CHCHD6: variants seen among roughly 807,000 people sequenced by gnomAD.
The protein encoded by CHCHD6 is MICOS complex subunit MIC25.
Under a neutral mutation model 32.3 loss-of-function variants are expected in CHCHD6, and 28 were observed. The ratio of observed to expected loss-of-function variants is 0.87; its 90% CI spans 0.64 to 1.19. CHCHD6 has a LOEUF of 1.19. Among genes scored for constraint, CHCHD6 ranks in the 50% most tolerant of loss-of-function variants. The probability of loss-of-function intolerance (pLI) is 0.00; values close to 1 mark genes in which losing one functional copy is unlikely to be tolerated. For missense variants in CHCHD6, 333 were observed against 307.0 expected (o/e 1.08, Z -0.63); for synonymous variants, 122 against 117.5 (o/e 1.04, Z -0.25).
intron 4 of CHCHD6, among the ~76,000 whole-genome samples, chr3:126,781,066 T>TTACCATGGTTTC (rs1430406220): frequency 1.3e-5 from 2 of 152,134 alleles, no homozygotes; most frequent in African/African-American, 4.8e-5. Flanking sequence ...GACAGTAGGA[T>TTACCATGGTTTC]TACCATGGTT....
intron 4 of CHCHD6, among the ~76,000 whole-genome samples, chr3:126,769,751 C>G (rs1432935042): frequency 6.6e-6 from 1 of 152,148 alleles, no homozygotes; most frequent in African/African-American, 2.4e-5. Flanking sequence ...AGTGATCCAC[C>G]CAGCTTGGCC....
intron 6 of CHCHD6, among the ~76,000 whole-genome samples, chr3:126,924,316 T>C (rs530579637): frequency 1.8e-3 from 281 of 152,330 alleles, no homozygotes; most frequent in African/African-American, 6.3e-3. Context: ...ATAATAGTTA[T>C]CTCTGGTTAG....
intron 6 of CHCHD6, among the ~76,000 whole-genome samples, chr3:126,953,421 C>T (rs1366476912): frequency 6.6e-6 from 1 of 152,192 alleles, no homozygotes; most frequent in Non-Finnish European, 1.5e-5. Context: ...CCTCCAAGCC[C>T]TACGTTGGCA....
intron 4 of CHCHD6, among the ~76,000 whole-genome samples, chr3:126,804,279 T>C (rs1477372357): frequency 6.6e-6 from 1 of 151,856 alleles, no homozygotes; most frequent in Non-Finnish European, 1.5e-5. Flanking sequence ...CAGGAGCTGG[T>C]TTTTTGAAAG....
chr3:126,875,423 A>G (rs2077527599), intron 5 of CHCHD6, among the ~76,000 whole-genome samples: 1 of 152,254 alleles, frequency 6.6e-6, no homozygotes, highest in African/African-American at 2.4e-5. Context: ...GCTGGCACGT[A>G]GAGCCTCTAG....
intron 1 of CHCHD6, among the ~76,000 whole-genome samples, chr3:126,711,344 G>A (rs1423262550): frequency 1.3e-5 from 2 of 152,186 alleles, no homozygotes; most frequent in Non-Finnish European, 2.9e-5. Flanking sequence ...GGCAGACTTT[G>A]TTTTCCGCCA....
At chr3:126,708,411 A>G (rs1240789216) in intron 1 of CHCHD6, among the ~76,000 whole-genome samples, 1 of 152,188 alleles carries the variant, frequency 6.6e-6, no homozygotes, top group Non-Finnish European at 1.5e-5. Context: ...TCAGGGCCCA[A>G]ATGCCAGGCA....
intron 4 of CHCHD6, among the ~76,000 whole-genome samples, chr3:126,838,913 C>T (rs1397481298): frequency 7.0e-6 from 1 of 142,136 alleles, no homozygotes; most frequent in Non-Finnish European, 1.5e-5. Context: ...TTTTTTGAGA[C>T]AGTCTTGCTC....
At chr3:126,771,209 CTTTT>C (rs58996472) in intron 4 of CHCHD6, among the ~76,000 whole-genome samples, 1 of 138,870 alleles carries the variant, frequency 7.2e-6, no homozygotes, top group African/African-American at 2.7e-5. Flanking sequence ...TTTTCCTTTT[CTTTT>C]TTTTTTTTTT....
chr3:126,933,528 A>G (rs925763984), intron 6 of CHCHD6, among the ~76,000 whole-genome samples: 12 of 152,218 alleles, frequency 7.9e-5, no homozygotes, highest in Admixed American at 1.3e-4. Flanking sequence ...GAAGCTTACA[A>G]TTATGGAGGA....
intron 5 of CHCHD6, among the ~76,000 whole-genome samples, chr3:126,872,294 G>A (rs144536945): frequency 5.6e-4 from 85 of 152,244 alleles, no homozygotes; most frequent in Non-Finnish European, 9.1e-4. Context: ...CCAGCTTCTC[G>A]GGAGGCTGAC....
rs9683181 is a variant in CHCHD6, at chr3:126,819,385, C to T, written c.412-33262C>T. Among the ~76,000 whole-genome samples, 420 of 152,302 alleles carry T rather than the reference C, an allele frequency of 2.8e-3. 2 individuals carry two copies. Among genetic ancestry groups the T allele is most frequent in the African/African-American group, 9.6e-3 (397 of 41,554 alleles). ...GCCTTGCCAGCCAGGTTTCTGGATG[C>T]TGTATGAAGGTAACATGGTGGAATC... On this transcript the variant is annotated intron_variant, in intron 4 of 7. Transcript: ENST00000290913.
intron 4 of CHCHD6, chr3:126,767,085 G>T: frequency 8.3e-7 from 1 of 1,199,876 alleles, no homozygotes; most frequent in Non-Finnish European, 1.2e-6. Context: ...TCTGTCCGCC[G>T]TGCCCGGGCG....
At chr3:126,795,996 A>G (rs1354167118) in intron 4 of CHCHD6, among the ~76,000 whole-genome samples, 1 of 152,126 alleles carries the variant, frequency 6.6e-6, no homozygotes, top group Non-Finnish European at 1.5e-5. Context: ...AAGGGTGGTG[A>G]CTTGATCTCT....
intron 5 of CHCHD6, among the ~76,000 whole-genome samples, chr3:126,887,782 G>A (rs541197561): frequency 1.3e-5 from 2 of 152,308 alleles, no homozygotes; most frequent in South Asian, 4.2e-4. Flanking sequence ...ACCCAGGAAG[G>A]CATCCAAGCA....
At chr3:126,793,705 C>A (rs902102209) in intron 4 of CHCHD6, among the ~76,000 whole-genome samples, 2 of 152,064 alleles carry the variant, frequency 1.3e-5, no homozygotes, top group Non-Finnish European at 2.9e-5. Flanking sequence ...ATTCATTTGT[C>A]CCTCCCTCCT....
At chr3:126,738,727 C>T (rs1239632799) in intron 4 of CHCHD6, among the ~76,000 whole-genome samples, 1 of 152,168 alleles carries the variant, frequency 6.6e-6, no homozygotes, top group African/African-American at 2.4e-5. Context: ...TAGTTGGAAG[C>T]AAGCACCCAT....
chr3:126,834,855 C>T (rs2107543804), intron 4 of CHCHD6, among the ~76,000 whole-genome samples: 1 of 152,242 alleles, frequency 6.6e-6, no homozygotes, highest in South Asian at 2.1e-4. Flanking sequence ...CAGTCGGCAA[C>T]AGCAGAGCAC....
intron 6 of CHCHD6, among the ~76,000 whole-genome samples, chr3:126,948,899 T>A (rs953079680): frequency 2.0e-5 from 3 of 152,232 alleles, no homozygotes; most frequent in Admixed American, 6.5e-5. Context: ...GATCACAGTT[T>A]CACCCCATAC....
Sources: allele counts gnomAD v4.1 joint callset (sites outside exome capture counted in the v4.1 genomes callset), GRCh38; gene constraint gnomAD v4.1.1; transcripts MANE v1.5; gene names NCBI Gene and HGNC (gene_info 2026-07-23, HGNC 2026-07-21).